The following TUSC3 variants were observed in gnomAD, a reference collection of about 807,000 sequenced individuals.
The protein encoded by TUSC3 is tumor suppressor candidate 3.
In TUSC3, 45 loss-of-function variants were observed where a neutral mutation model predicts 44.8. That is an observed-to-expected ratio of 1.00 (90% CI 0.79 to 1.29). The LOEUF (loss-of-function observed/expected upper bound fraction) is 1.29. TUSC3 is among the 50% of genes most tolerant of loss of function. TUSC3 has a pLI of 0.00. For missense variants in TUSC3, 519 were observed against 437.9 expected, an observed-to-expected ratio of 1.19 and a Z score of -1.65; for synonymous variants, 212 against 152.9, an observed-to-expected ratio of 1.39 and a Z score of -2.85.
chr8:15,655,929 G>T (rs1807142672), intron 3 of TUSC3, among the ~76,000 whole-genome samples: 1 of 152,084 alleles, frequency 6.6e-6, no homozygotes, highest in African/African-American at 2.4e-5. Context: ...TGTGGTAAAG[G>T]AATGAAGAGA....
At chr8:15,651,989 G>A (rs2129176120) in intron 3 of TUSC3, among the ~76,000 whole-genome samples, 1 of 152,320 alleles carries the variant, frequency 6.6e-6, no homozygotes, top group African/African-American at 2.4e-5. Context: ...AAGGAATGCA[G>A]AAATTGTTGC....
chr8:15,832,381 C>G, the TUSC3 span, among the ~76,000 whole-genome samples: 4 of 152,230 alleles, frequency 2.6e-5, no homozygotes, highest in Non-Finnish European at 5.9e-5. Context: ...ACAAACAAGT[C>G]TGCATATAAC....
Position 15,422,857 on chromosome 8 carries a change from G to A in TUSC3, n.91+5552G>A, listed in dbSNP as rs192301662. Among the ~76,000 whole-genome samples the A allele has an allele frequency of 3.7e-4, 57 of 152,144 alleles. 1 individual carries two copies. Among genetic ancestry groups the A allele is most frequent in the African/African-American group, 1.2e-3 (50 of 41,496 alleles). On this transcript the variant is annotated intron_variant and non_coding_transcript_variant, in intron 1 of 5. Transcript: ENST00000503191. ...GGGGTTTTGCCATGTTGTACAGGCT[G>A]GTCACAAACTCCTGGGCTCTAGTGA...
chr8:15,441,121 T>C (rs996879980), intron 1 of TUSC3, among the ~76,000 whole-genome samples: 5 of 152,218 alleles, frequency 3.3e-5, no homozygotes, highest in African/African-American at 1.2e-4. Context: ...ATCAAGTAAG[T>C]GATGGCCAGG....
At chr8:15,666,764 G>T (rs1807682091) in intron 5 of TUSC3, among the ~76,000 whole-genome samples, 1 of 150,982 alleles carries the variant, frequency 6.6e-6, no homozygotes, top group African/African-American at 2.4e-5. Context: ...TTTTTGGATG[G>T]CCCCAGACAG....
chr8:15,779,110 T>G, the TUSC3 span, among the ~76,000 whole-genome samples: 1 of 117,536 alleles, frequency 8.5e-6, no homozygotes, highest in Admixed American at 7.8e-5. Context: ...TTTTTTTTTT[T>G]TTTTTTTTCC....
the TUSC3 span, among the ~76,000 whole-genome samples, chr8:15,774,674 C>A: frequency 6.6e-6 from 1 of 152,104 alleles, no homozygotes; most frequent in African/African-American, 2.4e-5. Context: ...GAGCCAAGGT[C>A]TTGAGTAAAC....
chr8:15,452,377 T>C (rs910522774), intron 1 of TUSC3, among the ~76,000 whole-genome samples: 1 of 152,276 alleles, frequency 6.6e-6, no homozygotes, highest in Admixed American at 6.5e-5. Context: ...AAAGATCAAA[T>C]GAGGGCAAAG....
chr8:15,491,025 G>C (rs531643538), intron 2 of TUSC3, among the ~76,000 whole-genome samples: 12 of 152,324 alleles, frequency 7.9e-5, no homozygotes, highest in Admixed American at 7.2e-4. Context: ...TTCCTTTTGA[G>C]TTTCTGATCA....
chr8:15,786,925 CAGAG>C, the TUSC3 span, among the ~76,000 whole-genome samples: 4 of 105,782 alleles, frequency 3.8e-5, no homozygotes, highest in African/African-American at 1.5e-4. Context: ...GCCTGGGCAA[CAGAG>C]GGAGACTCCA....
At chr8:15,791,416 G>C in the TUSC3 span, among the ~76,000 whole-genome samples, 10 of 152,242 alleles carry the variant, frequency 6.6e-5, 1 homozygote, top group Non-Finnish European at 8.8e-5. Flanking sequence ...TGTTTTCACA[G>C]TATGTTAATT....
chr8:15,790,914 A>G, the TUSC3 span, among the ~76,000 whole-genome samples: 1 of 152,066 alleles, frequency 6.6e-6, no homozygotes, highest in South Asian at 2.1e-4. Flanking sequence ...GTAGATACTG[A>G]CCCCATCAAC....
chr8:15,711,311 A>T (rs1809839998), intron 6 of TUSC3, among the ~76,000 whole-genome samples: 1 of 151,790 alleles, frequency 6.6e-6, no homozygotes, highest in African/African-American at 2.4e-5. Context: ...GGCATAGAAG[A>T]TTCTGCTCTT....
At chr8:15,535,551 C>T (rs549886806), upstream of TUSC3, among the ~76,000 whole-genome samples, 6 of 151,614 alleles carry the variant, frequency 4.0e-5, no homozygotes, top group African/African-American at 1.5e-4. Flanking sequence ...AGGAAGCAAT[C>T]AGATATGCAT....
Position 15,681,984 on chromosome 8 carries a change from C to G in TUSC3, c.798+8148C>G, listed in dbSNP as rs576393768. On this transcript the variant is annotated intron_variant, in intron 6 of 10. Transcript: ENST00000503731. ...TAATTTTGTGTTTTTGAGATTTCCT[C>G]TTGATATTAATTTCTATTTTTATTC... is the stretch of plus-strand genomic sequence containing the variant. Among the ~76,000 whole-genome samples the G allele has an allele frequency of 7.2e-4, 110 of 152,120 alleles. No individual in the cohort carries two copies. The Middle Eastern group carries it at 0.01, about 14-fold the overall frequency.
At chr8:15,774,224 C>T in the TUSC3 span, among the ~76,000 whole-genome samples, 4 of 142,050 alleles carry the variant, frequency 2.8e-5, no homozygotes, top group East Asian at 4.1e-4. Flanking sequence ...GGAGTTTAAG[C>T]GTCAAATTTT....
At chr8:15,651,999 C>G (rs1301237535) in intron 3 of TUSC3, among the ~76,000 whole-genome samples, 2 of 152,294 alleles carry the variant, frequency 1.3e-5, no homozygotes, top group African/African-American at 4.8e-5. Flanking sequence ...GAAATTGTTG[C>G]TTGTCCAAGG....
intron 2 of TUSC3, among the ~76,000 whole-genome samples, chr8:15,628,080 C>T (rs1403709150): frequency 6.6e-6 from 1 of 152,094 alleles, no homozygotes; most frequent in East Asian, 1.9e-4. Context: ...AGTTCGTTTT[C>T]CCCTAAAAAT....
chr8:15,420,986 C>A (rs1481634153), intron 1 of TUSC3, among the ~76,000 whole-genome samples: 2 of 152,146 alleles, frequency 1.3e-5, no homozygotes, highest in African/African-American at 4.8e-5. Context: ...ATGCAAGTGA[C>A]ACTAATTTTT....
Sources: allele counts gnomAD v4.1 joint callset (sites outside exome capture counted in the v4.1 genomes callset), GRCh38; gene constraint gnomAD v4.1.1; transcripts MANE v1.5; gene names NCBI Gene and HGNC (gene_info 2026-07-23, HGNC 2026-07-21).